RCVRN: variants seen among roughly 807,000 people sequenced by gnomAD.
RCVRN encodes cancer associated retinopathy antigen.
Under a neutral mutation model 20.4 loss-of-function variants are expected in RCVRN, and 23 were observed. The observed-to-expected ratio is 1.13, with a 90% CI of 0.81 to 1.60. The LOEUF (loss-of-function observed/expected upper bound fraction) is 1.60. Ranked by LOEUF, RCVRN falls within the 40% of genes most tolerant of loss-of-function variation. RCVRN has a pLI of 0.00. For synonymous variants in RCVRN, 105 were observed against 105.9 expected (o/e 0.99, Z 0.05); for missense variants, 254 against 254.2 (o/e 1.00, Z 0.00).
Position 9,905,116 on chromosome 17 carries a change from T to C in RCVRN, c.65A>G (p.Lys22Arg). 1 of 1,610,612 alleles carries C rather than the reference T, an allele frequency of 6.2e-7. No individual in the cohort carries two copies. Among genetic ancestry groups the C allele is most frequent in the Non-Finnish European group, 8.5e-7 (1 of 1,178,590 alleles). The change falls in exon 1 of 3, where the codon AAG (lysine) becomes AGG (arginine). Residue 22 changes from lysine (K) to arginine (R), a missense_variant. Transcript: ENST00000226193. The part of the protein sequence containing the change: ...EILEELQLNT[K>R]FSEEELCSWY... ...GGAGCACAGCTCCTCCTCCGAGAACTTGGTGTTCAGCTGCAGCTCCTCCAG... is the reference window on the plus strand; with the variant it reads ...GGAGCACAGCTCCTCCTCCGAGAACCTGGTGTTCAGCTGCAGCTCCTCCAG...
chr17:9,900,772 C>T (rs1053738086), intron 2 of RCVRN, among the ~76,000 whole-genome samples: 1 of 152,144 alleles, frequency 6.6e-6, no homozygotes, highest in Admixed American at 6.5e-5. Flanking sequence ...CTGAAGTTTG[C>T]TCTTGTTCTA....
At position 9,896,925 on chromosome 17, in the gene RCVRN, C is replaced by A; in HGVS notation, c.*1170G>T. The A allele has an allele frequency of 6.5e-6, 1 of 153,054 alleles. No homozygotes were observed. 9.5% of individuals were successfully genotyped at this position (153,054 alleles called of 1,614,324 possible). On this transcript the variant is annotated 3_prime_UTR_variant, in exon 3 of 3. Coordinates refer to ENST00000226193, the MANE Select transcript of RCVRN (RefSeq NM_002903.3). ...ATTCCTGCCCTCTCTCCTCCTGCCCCCTCAGCCAGCCAGGTGGATGCTACC... is the reference window on the plus strand; with the variant it reads ...ATTCCTGCCCTCTCTCCTCCTGCCCACTCAGCCAGCCAGGTGGATGCTACC...
At chr17:9,901,824 G>A (rs2067343166) in intron 1 of RCVRN, among the ~76,000 whole-genome samples, 1 of 152,204 alleles carries the variant, frequency 6.6e-6, no homozygotes, top group Admixed American at 6.5e-5. Context: ...CCTGGGCCCA[G>A]GAAGGTTATA....
chr17:9,900,921 C>T (rs1348637326), intron 2 of RCVRN, 68 bp downstream of exon 2: 2 of 962,418 alleles, frequency 2.1e-6, no homozygotes, highest in Non-Finnish European at 1.7e-6. Context: ...AAGAATAAAT[C>T]TTGTTGGGAT....
chr17:9,898,053 A>T lies in RCVRN; in HGVS notation c.*42T>A. 1 of 1,317,920 alleles carries T rather than the reference A, an allele frequency of 7.6e-7. No individual in the cohort carries two copies. The highest frequency in any genetic ancestry group is 1.1e-6 in the Non-Finnish European group (1 of 910,198). The allele number at this position is 1,317,920 out of a possible 1,614,324, so 81.6% of individuals were successfully genotyped here. ...GTGTGCACAGGCGCTCACGGGTGTC[A>T]TGTGAGTGGTAGGTGGAGGGAGGAC... On this transcript the variant is annotated 3_prime_UTR_variant, in exon 3 of 3. Coordinates refer to ENST00000226193, the MANE Select transcript of RCVRN (RefSeq NM_002903.3).
rs756386449 is a variant in RCVRN, at chr17:9,898,180, A to G, written c.518T>C (p.Ile173Thr). ...TTCCTTATTGGCCAGTGTCCCCTCAATGAATTCTTTCTCTGTAAGTTTATC... is the reference window on the plus strand; with the variant it reads ...TTCCTTATTGGCCAGTGTCCCCTCAGTGAATTCTTTCTCTGTAAGTTTATC... ...DDDKLTEKEF[I>T]EGTLANKEIL... The change falls in exon 3 of 3, where the codon ATT becomes ACT. Residue 173 changes from isoleucine to threonine, a missense_variant. Physicochemically the swap from Ile to Thr is moderately conservative, Grantham distance 89. Transcript: ENST00000226193. The G allele has an allele frequency of 6.2e-7, 1 of 1,613,118 alleles. No individual in the cohort carries two copies. Among genetic ancestry groups the G allele is most frequent in the Non-Finnish European group, 8.5e-7 (1 of 1,179,062 alleles).
intron 1 of RCVRN, among the ~76,000 whole-genome samples, chr17:9,902,985 G>A (rs1344026906): frequency 1.6e-5 from 2 of 121,274 alleles, no homozygotes; most frequent in African/African-American, 5.9e-5. Context: ...GCAAAACTCT[G>A]TCTGAAGAAA....
chr17:9,897,887 GA>G lies in RCVRN; in HGVS notation c.*207del. ...ATGGGAGGGAATGCTGAAGACCCAGGAAGAAGGAACCAGTGGGTCACTACAG... is the reference window on the plus strand; with the variant it reads ...ATGGGAGGGAATGCTGAAGACCCAGGAGAAGGAACCAGTGGGTCACTACAG... On this transcript the variant is annotated 3_prime_UTR_variant, in exon 3 of 3. Coordinates refer to ENST00000226193, the MANE Select transcript of RCVRN (RefSeq NM_002903.3). 3 of 556,550 alleles carry G rather than the reference GA, an allele frequency of 5.4e-6. No homozygotes were observed. The highest frequency in any genetic ancestry group is 9.6e-6 in the Non-Finnish European group (3 of 311,030). The allele number at this position is 556,550 out of a possible 1,614,324, so 34.5% of individuals were successfully genotyped here. A position where few individuals can be genotyped will look rare whatever the true frequency, so the allele number is the denominator to read the frequency against.
chr17:9,904,924 T>G lies in RCVRN; in HGVS notation c.257A>C (p.Tyr86Ser), dbSNP rs2067356781. The change falls in exon 1 of 3, where the codon TAC becomes TCC. Residue 86 changes from tyrosine (Y) to serine (S), a missense_variant. By Grantham distance (144) the Tyr-to-Ser change is moderately radical. Coordinates refer to ENST00000226193, the MANE Select transcript of RCVRN (RefSeq NM_002903.3). The surrounding 1 kb of genome is among the most constrained non-coding windows in gnomAD (Gnocchi z 5.8). ...NLDGTLDFKEYVIALHMTTAG... is the reference protein window; with the variant it reads ...NLDGTLDFKESVIALHMTTAG... The stretch of plus-strand genomic sequence containing the variant: ...GGTGGTCATGTGCAGGGCGATGACG[T>G]ACTCCTTGAAGTCCAGGGTGCCGTC... The G allele has an allele frequency of 1.2e-6, 2 of 1,614,076 alleles. No homozygotes were observed. Among genetic ancestry groups the G allele is most frequent in the South Asian group, 1.1e-5 (1 of 91,088 alleles).
In RCVRN at chr17:9,900,988, C is replaced by T. The variant is rs761081793; in HGVS notation, c.493+1G>A. 2 of 1,567,580 alleles carry T rather than the reference C, an allele frequency of 1.3e-6. No individual in the cohort carries two copies. The highest frequency in any genetic ancestry group is 4.5e-5 in the East Asian group (2 of 44,268). ...AAGGCAATGAAGGAAAAGGAATTCACCATCATCATTCTTTCCAAAGTACTT... is the reference window on the plus strand; with the variant it reads ...AAGGCAATGAAGGAAAAGGAATTCATCATCATCATTCTTTCCAAAGTACTT... On this transcript the variant is annotated splice_donor_variant, in intron 2 of 2. Coordinates refer to ENST00000226193, the MANE Select transcript of RCVRN (RefSeq NM_002903.3). LOFTEE classifies it high-confidence loss of function.
chr17:9,902,308 C>T (rs770910114), intron 1 of RCVRN, among the ~76,000 whole-genome samples: 65 of 152,130 alleles, frequency 4.3e-4, no homozygotes, highest in Non-Finnish European at 7.6e-4. Context: ...ATGAGAGAGA[C>T]ACATGCCTGC....
At chr17:9,898,486 T>A (rs902826630) in intron 2 of RCVRN, among the ~76,000 whole-genome samples, 2 of 152,254 alleles carry the variant, frequency 1.3e-5, no homozygotes, top group Admixed American at 6.5e-5. Context: ...TATGTGTCTC[T>A]TCCGATTGGC....
In RCVRN at chr17:9,901,058, G is replaced by C. The variant is rs369071188; in HGVS notation, c.424C>G (p.Pro142Ala). The change falls in exon 2 of 3, where the codon CCA (proline) becomes GCA (alanine). Residue 142 changes from proline (P) to alanine (A), a missense_variant. Physicochemically the swap from Pro to Ala is conservative, Grantham distance 27 (BLOSUM62 -1). Transcript: ENST00000226193. ...MITPEDVKLL[P>A]DDENTPEKRA... is the part of the protein sequence containing the mutation. ...TTTTCCGGCGTGTTTTCATCGTCTG[G>C]AAGGAGCTTCACGTCCTCGGGAGTG... 16 of 1,609,988 alleles carry C rather than the reference G, an allele frequency of 9.9e-6. No homozygotes were observed. The highest frequency in any genetic ancestry group is 8.5e-6 in the Non-Finnish European group (10 of 1,176,698).
intron 2 of RCVRN, among the ~76,000 whole-genome samples, chr17:9,898,908 C>A (rs1187782309): frequency 1.3e-5 from 2 of 152,202 alleles, no homozygotes; most frequent in African/African-American, 4.8e-5. Context: ...GCGCCCACAC[C>A]TGGTTTTCCG....
At chr17:9,900,392 AG>A (rs1227308496) in intron 2 of RCVRN, among the ~76,000 whole-genome samples, 4 of 149,180 alleles carry the variant, frequency 2.7e-5, no homozygotes, top group African/African-American at 1.0e-4. Flanking sequence ...CAAGACTGAC[AG>A]GGGCACTGAG....
chr17:9,904,867 GC>G lies in RCVRN; in HGVS notation c.313del (p.Ala105ProfsTer28). 6.2e-7 allele frequency: 1 copy of G among 1,614,208 alleles called. No homozygotes were observed. Among genetic ancestry groups the G allele is most frequent in the East Asian group, 2.2e-5 (1 of 44,886 alleles). On this transcript the variant is annotated frameshift_variant, in exon 1 of 3. Coordinates refer to ENST00000226193, the MANE Select transcript of RCVRN (RefSeq NM_002903.3). The surrounding 1 kb of genome is among the most constrained non-coding windows in gnomAD (Gnocchi z 5.8). The stretch of plus-strand genomic sequence containing the variant: ...ACCGTCCACGTCGTAGAGGGAGAAG[GC>G]CCACTCCAGCTTCTGGTTGGTCTTG... ...AGKTNQKLEW[A>X]FSLYDVDGNG...
chr17:9,902,362 A>T (rs1307546187), intron 1 of RCVRN, among the ~76,000 whole-genome samples: 1 of 152,186 alleles, frequency 6.6e-6, no homozygotes, highest in Non-Finnish European at 1.5e-5. Context: ...AAGCCCATGG[A>T]CCACAAGCTG....
Position 9,896,451 on chromosome 17 carries a change from T to G in RCVRN, c.*1644A>C, listed in dbSNP as rs2067317675. 1 of 152,200 alleles carries G rather than the reference T, an allele frequency of 6.6e-6. No homozygotes were observed. The highest frequency in any genetic ancestry group is 2.1e-4 in the South Asian group (1 of 4,824). The allele number at this position is 152,200 out of a possible 1,614,324, so 9.4% of individuals were successfully genotyped here. On this transcript the variant is annotated 3_prime_UTR_variant, in exon 3 of 3. Transcript: ENST00000226193. The stretch of plus-strand genomic sequence containing the variant: ...CACCACAATACCAGCAACTAGAGAC[T>G]CCTCAGCCTCAAGAGGTTGCAGACA...
rs766517273 is a variant in RCVRN at position 9,898,225 on chromosome 17, T to C, written c.494-21A>G. On this transcript the variant is annotated intron_variant, in intron 2 of 2. Coordinates refer to ENST00000226193, the MANE Select transcript of RCVRN (RefSeq NM_002903.3). ...TTTATCTGTGCATTGGGAAAAAATA[T>C]ATACGTACATAAAACAGTCAGGATT... 8.3e-6 allele frequency: 12 copies of C among 1,444,010 alleles called. No homozygotes were observed. In the East Asian group the frequency reaches 1.4e-4, roughly 16 times the overall value. 89.4% of individuals were successfully genotyped at this position (1,444,010 alleles called of 1,614,324 possible).
Sources: gnomAD v4.1 joint callset for allele counts (sites outside exome capture counted in the v4.1 genomes callset) on GRCh38, gnomAD v4.1.1 for gene constraint, Gnocchi (gnomAD v3.1) non-coding constraint, MANE v1.5 for transcripts, NCBI Gene and HGNC (gene_info 2026-07-23, HGNC 2026-07-21) for gene names.